Variants in NRP1 observed in about 807,000 individuals in gnomAD.
The protein encoded by NRP1 is neuropilin 1.
A neutral mutation model predicts 106.7 loss-of-function variants in NRP1; 35 were observed. That is an observed-to-expected ratio of 0.33 (90% CI 0.25 to 0.43). The LOEUF is 0.43. NRP1 is among the 20% of genes least tolerant of loss of function. The probability of loss-of-function intolerance (pLI) is 1.00; values close to 1 mark genes in which losing one functional copy is unlikely to be tolerated. For missense variants in NRP1, 1,024 were observed against 1,170.4 expected (o/e 0.87, Z 1.83); for synonymous variants, 437 against 417.9 (o/e 1.05, Z -0.56).
chr10:33,207,151 G>T (rs547426779), intron 10 of NRP1, among the ~76,000 whole-genome samples: 1 of 152,256 alleles, frequency 6.6e-6, no homozygotes, highest in East Asian at 1.9e-4. Context: ...GAAGTTGCCT[G>T]CTTTCTGGGT....
chr10:33,272,605 T>A (rs1843385503), intron 2 of NRP1, among the ~76,000 whole-genome samples: 1 of 152,184 alleles, frequency 6.6e-6, no homozygotes, highest in Non-Finnish European at 1.5e-5. Flanking sequence ...ATCAATGGGA[T>A]GTAGCTGGAA....
intron 6 of NRP1, among the ~76,000 whole-genome samples, chr10:33,227,505 C>T (rs1305363226): frequency 1.3e-5 from 2 of 152,158 alleles, no homozygotes; most frequent in South Asian, 2.1e-4. Flanking sequence ...TGGCCTCTCT[C>T]CTTGCAGCTC....
At chr10:33,187,340 G>C (rs932988173) in intron 13 of NRP1, among the ~76,000 whole-genome samples, 4 of 152,090 alleles carry the variant, frequency 2.6e-5, no homozygotes, top group African/African-American at 4.8e-5. Flanking sequence ...TAAACCTGTA[G>C]TTTTTCCTAA....
At chr10:33,239,814 G>A (rs1029561210) in intron 6 of NRP1, among the ~76,000 whole-genome samples, 2 of 152,102 alleles carry the variant, frequency 1.3e-5, no homozygotes, top group African/African-American at 2.4e-5. Flanking sequence ...TTATTTTAGA[G>A]CTAAGGTTAT....
Position 33,213,415 on chromosome 10 carries a change from T to A in NRP1, c.1585A>T (p.Ile529Phe). The change falls in exon 9 of 17, where the codon ATC becomes TTC. Residue 529 changes from isoleucine (I) to phenylalanine (F), a missense_variant. Physicochemically the swap from Ile to Phe is conservative, Grantham distance 21 (BLOSUM62 0). This residue lies in a region of NRP1 where 562 missense variants were observed against 620.3 expected (regional missense o/e 0.91). Coordinates refer to ENST00000374867, the MANE Select transcript of NRP1 (RefSeq NM_003873.7). Reference protein sequence around the residue: ...YSNNGSDWKMIMDDSKRKAKS... With the variant: ...YSNNGSDWKMFMDDSKRKAKS... ...GCCTTGCGTTTGCTGTCATCCATGATCATCTTCCAGTCCGAGCCGTTGTTG... is the reference window on the plus strand; with the variant it reads ...GCCTTGCGTTTGCTGTCATCCATGAACATCTTCCAGTCCGAGCCGTTGTTG... The A allele has an allele frequency of 6.2e-7, 1 of 1,613,942 alleles. No homozygotes were observed. Among genetic ancestry groups the A allele is most frequent in the Non-Finnish European group, 8.5e-7 (1 of 1,180,010 alleles).
intron 8 of NRP1, among the ~76,000 whole-genome samples, chr10:33,215,165 G>A (rs1420218828): frequency 6.6e-6 from 1 of 152,030 alleles, no homozygotes; most frequent in Non-Finnish European, 1.5e-5. Flanking sequence ...TTCTATTACT[G>A]ACAATACATC....
chr10:33,228,747 T>C (rs1368882445), intron 6 of NRP1, among the ~76,000 whole-genome samples: 1 of 152,234 alleles, frequency 6.6e-6, no homozygotes, highest in Non-Finnish European at 1.5e-5. Flanking sequence ...ATAATCTTTA[T>C]TTCATTTCCC....
At chr10:33,223,581 T>C (rs2132914482) in intron 7 of NRP1, among the ~76,000 whole-genome samples, 1 of 152,258 alleles carries the variant, frequency 6.6e-6, no homozygotes, top group Middle Eastern at 3.4e-3. Context: ...TGAGTTATGA[T>C]TGCACCACTG....
At chr10:33,195,551 G>A (rs749671013) in intron 12 of NRP1, 1 of 533,442 alleles carries the variant, frequency 1.9e-6, no homozygotes, top group East Asian at 5.4e-5. Flanking sequence ...ACTGCTGCTT[G>A]TGATGATGCT....
intron 2 of NRP1, among the ~76,000 whole-genome samples, chr10:33,279,372 G>T (rs1319534917): frequency 6.6e-6 from 1 of 152,178 alleles, no homozygotes; most frequent in African/African-American, 2.4e-5. Context: ...CAGAGTTCAG[G>T]TTCTTGCAGC....
chr10:33,234,204 T>C (rs1410779096), intron 6 of NRP1, among the ~76,000 whole-genome samples: 1 of 152,156 alleles, frequency 6.6e-6, no homozygotes, highest in Non-Finnish European at 1.5e-5. Context: ...AGTGTCTCTT[T>C]CAATTCTCAC....
At position 33,304,101 on chromosome 10, in the gene NRP1, T is replaced by C. The variant is rs143506851; in HGVS notation, c.248+26607A>G. On this transcript the variant is annotated intron_variant, in intron 2 of 16. Coordinates refer to ENST00000374867, the MANE Select transcript of NRP1 (RefSeq NM_003873.7). ...TGTGGCACTTAGCTGTTCTGGGAAA[T>C]AACTCAATGTCATTTGGTTAACACA... 5.3e-5 allele frequency among the ~76,000 whole-genome samples: 8 copies of C among 152,336 alleles called. No homozygotes were observed. In the East Asian group the frequency reaches 1.5e-3, roughly 29 times the overall value.
chr10:33,283,810 C>T (rs1844315215), intron 2 of NRP1, among the ~76,000 whole-genome samples: 1 of 152,174 alleles, frequency 6.6e-6, no homozygotes, highest in African/African-American at 2.4e-5. Flanking sequence ...TGGCCATAAA[C>T]ATTACCTAAG....
rs189426143 is a variant in NRP1, at chr10:33,247,718, G to A, written c.981+6310C>T. On this transcript the variant is annotated intron_variant, in intron 6 of 16. Transcript: ENST00000374867. ...GCTTTGCAAGCCTCACCTGCACCCT[G>A]GCTGGGTGTCACATCCAGAGGCAAG... Among the ~76,000 whole-genome samples, 204 of 152,330 alleles carry A rather than the reference G, an allele frequency of 1.3e-3. 4 individuals carry two copies. The South Asian group carries it at 0.037, about 28-fold the overall frequency.
rs931662082 is a variant in NRP1 at position 33,234,022 on chromosome 10, G to T, written c.982-7733C>A. 4.6e-5 allele frequency among the ~76,000 whole-genome samples: 7 copies of T among 152,184 alleles called. No individual in the cohort carries two copies. The East Asian group carries it at 5.8e-4, about 13-fold the overall frequency. ...TCTTACTGTTATGAATCTGAATGCAGTCGCTTTAGAGTTAGTGACATAGCT... is the reference window on the plus strand; with the variant it reads ...TCTTACTGTTATGAATCTGAATGCATTCGCTTTAGAGTTAGTGACATAGCT... On this transcript the variant is annotated intron_variant, in intron 6 of 16. Coordinates refer to ENST00000374867, the MANE Select transcript of NRP1 (RefSeq NM_003873.7).
chr10:33,334,176 C>A, intron 1 of NRP1, 134 bp downstream of exon 1: 3 of 748,956 alleles, frequency 4.0e-6, no homozygotes, highest in Non-Finnish European at 6.5e-6. Flanking sequence ...TCTCTCCTCC[C>A]AGATAAAAGT....
rs571436601 is a variant in NRP1 at position 33,182,878 on chromosome 10, C to G, written c.2432-130G>C. The G allele has an allele frequency of 8.8e-5, 62 of 707,570 alleles. No individual in the cohort carries two copies. In the South Asian group the frequency reaches 9.1e-4, roughly 10 times the overall value. 43.8% of individuals were successfully genotyped at this position (707,570 alleles called of 1,614,324 possible). ...ACACACACACGTGTCTACTGGGCTC[C>G]TTTTGGATTTTTTAGTTCAATCAGA... On this transcript the variant is annotated intron_variant, in intron 15 of 16. Transcript: ENST00000374867.
chr10:33,184,146 G>A (rs964081616), intron 15 of NRP1, among the ~76,000 whole-genome samples: 11 of 152,186 alleles, frequency 7.2e-5, no homozygotes, highest in African/African-American at 2.6e-4. Context: ...CGAGTAGCTG[G>A]GATTACTACA....
chr10:33,279,669 G>A (rs944336533), intron 2 of NRP1, among the ~76,000 whole-genome samples: 1 of 152,158 alleles, frequency 6.6e-6, no homozygotes, highest in African/African-American at 2.4e-5. Context: ...GAGACAGTGT[G>A]TGGATATGAG....
Sources: gnomAD v4.1 joint callset for allele counts (sites outside exome capture counted in the v4.1 genomes callset) on GRCh38, gnomAD v4.1.1 for gene constraint, gnomAD v4.1.1 regional missense constraint, MANE v1.5 for transcripts, NCBI Gene and HGNC (gene_info 2026-07-23, HGNC 2026-07-21) for gene names.